The following CELF2 variants were observed in gnomAD, a reference collection of about 807,000 sequenced individuals.
CELF2 encodes CUGBP Elav-like family member 2.
In CELF2, 8 loss-of-function variants were observed where a neutral mutation model predicts 62.6. The ratio of observed to expected loss-of-function variants is 0.13; its 90% CI spans 0.07 to 0.23. The LOEUF is 0.23. Among genes scored for constraint, CELF2 ranks in the 10% least tolerant of loss-of-function variants. The pLI is 1.00. For missense variants in CELF2, 333 were observed against 671.0 expected, an observed-to-expected ratio of 0.50 and a Z score of 5.56; for synonymous variants, 258 against 250.0, an observed-to-expected ratio of 1.03 and a Z score of -0.30.
chr10:10,997,970 T>C lies in CELF2; in HGVS notation c.89+77971T>C, dbSNP rs1471722471. Among the ~76,000 whole-genome samples the C allele has an allele frequency of 6.6e-6, 1 of 152,172 alleles. No homozygotes were observed. The highest frequency in any genetic ancestry group is 6.5e-5 in the Admixed American group (1 of 15,276). On this transcript the variant is annotated intron_variant, in intron 2 of 13. Transcript: ENST00000636488. The surrounding 1 kb of genome is among the most constrained non-coding windows in gnomAD (Gnocchi z 5.3). ...TAATTGAATCATGGAGGCTGGATTT[T>C]CTCATGCAGTTCTTGTGATAGTAAG...
chr10:10,479,049 C>T, the CELF2 span, among the ~76,000 whole-genome samples: 10 of 152,218 alleles, frequency 6.6e-5, no homozygotes, highest in East Asian at 1.9e-4. Flanking sequence ...GATTTTTTTA[C>T]GTTGCTTCCT....
the CELF2 span, among the ~76,000 whole-genome samples, chr10:10,618,494 A>G: frequency 2.0e-5 from 3 of 152,114 alleles, no homozygotes; most frequent in Non-Finnish European, 2.9e-5. Flanking sequence ...GGCCAACTCC[A>G]GCCCATATAA....
At chr10:10,890,841 C>A (rs934005488) in intron 1 of CELF2, among the ~76,000 whole-genome samples, 1 of 152,142 alleles carries the variant, frequency 6.6e-6, no homozygotes, top group African/African-American at 2.4e-5. Context: ...ATGGTAAAAC[C>A]CCTTTTCTAC....
chr10:10,760,472 G>A, the CELF2 span, among the ~76,000 whole-genome samples: 3 of 152,156 alleles, frequency 2.0e-5, no homozygotes, highest in East Asian at 5.8e-4. Context: ...ATTATTATTC[G>A]TGTATTTCCT....
intron 1 of CELF2, among the ~76,000 whole-genome samples, chr10:10,882,647 G>A (rs145334449): frequency 4.1e-4 from 63 of 152,256 alleles, no homozygotes; most frequent in African/African-American, 1.4e-3. Context: ...CCTCTCTAGC[G>A]TGTTAAGAGA....
chr10:11,055,183 T>A (rs1463282476), intron 1 of CELF2, among the ~76,000 whole-genome samples: 1 of 152,270 alleles, frequency 6.6e-6, no homozygotes, highest in Non-Finnish European at 1.5e-5. Flanking sequence ...GGGACAGATA[T>A]TAACTGATAC....
At chr10:11,204,073 G>A (rs924709838) in intron 2 of CELF2, among the ~76,000 whole-genome samples, 15 of 152,176 alleles carry the variant, frequency 9.9e-5, no homozygotes, top group Non-Finnish European at 1.6e-4. Flanking sequence ...CAGAATCATC[G>A]TTAACATTAT....
At chr10:10,738,837 G>C in the CELF2 span, among the ~76,000 whole-genome samples, 1 of 152,000 alleles carries the variant, frequency 6.6e-6, no homozygotes, top group African/African-American at 2.4e-5. Context: ...AAGAACATTC[G>C]GTAAAAACTA....
At chr10:11,202,931 CTCTCTCTCTCTCTCTCTCTCTGTGTGTG>C (rs1565272413) in intron 2 of CELF2, among the ~76,000 whole-genome samples, 2 of 91,642 alleles carry the variant, frequency 2.2e-5, no homozygotes, top group African/African-American at 8.9e-5. Context: ...CTCTCTCTCT[CTCTCTCTCTCTCTCTCTCTCTGTGTGTG>C]TGTGTGTGTG....
intron 1 of CELF2, among the ~76,000 whole-genome samples, chr10:11,070,757 C>T (rs2069681347): frequency 6.6e-6 from 1 of 152,118 alleles, no homozygotes; most frequent in South Asian, 2.1e-4. Context: ...AAACATGATA[C>T]TGTGTGAAGG....
At chr10:10,904,622 G>A (rs146869702) in intron 1 of CELF2, among the ~76,000 whole-genome samples, 1 of 152,122 alleles carries the variant, frequency 6.6e-6, no homozygotes, top group African/African-American at 2.4e-5. Context: ...ACATAGCCAT[G>A]GCCTTATTCC....
In CELF2 at chr10:11,214,130, A is replaced by T. The variant is rs951841556; in HGVS notation, c.272-3295A>T. Among the ~76,000 whole-genome samples, 1 of 152,098 alleles carries T rather than the reference A, an allele frequency of 6.6e-6. No homozygotes were observed. Among genetic ancestry groups the T allele is most frequent in the African/African-American group, 2.4e-5 (1 of 41,408 alleles). On this transcript the variant is annotated intron_variant, in intron 2 of 12. Coordinates refer to ENST00000633077, the MANE Select transcript of CELF2 (RefSeq NM_001326342.2). This position sits in a 1 kb window ranked among gnomAD's most constrained non-coding sequence, Gnocchi z 4.2. ...GGGACCCCTATCTCTACAAAAATGTAAAAAGTAGTCAGGCATGGTAGCACA... is the reference window on the plus strand; with the variant it reads ...GGGACCCCTATCTCTACAAAAATGTTAAAAGTAGTCAGGCATGGTAGCACA...
At chr10:11,104,979 GGTCCACT>G (rs1275132821) in intron 1 of CELF2, among the ~76,000 whole-genome samples, 9 of 152,160 alleles carry the variant, frequency 5.9e-5, no homozygotes, top group Non-Finnish European at 1.0e-4. Flanking sequence ...CTCTGAAGCT[GGTCCACT>G]GTCACAGAAT....
chr10:10,581,830 A>G, the CELF2 span, among the ~76,000 whole-genome samples: 1 of 152,086 alleles, frequency 6.6e-6, no homozygotes, highest in Non-Finnish European at 1.5e-5. Flanking sequence ...GTGTTTGAGA[A>G]CAGCCTGGCC....
At chr10:10,777,129 T>G in the CELF2 span, among the ~76,000 whole-genome samples, 1 of 152,224 alleles carries the variant, frequency 6.6e-6, no homozygotes, top group Non-Finnish European at 1.5e-5. Flanking sequence ...CTCAGCATTG[T>G]GCTCTTGGCA....
At chr10:10,533,658 G>A in the CELF2 span, among the ~76,000 whole-genome samples, 3 of 152,214 alleles carry the variant, frequency 2.0e-5, no homozygotes, top group Non-Finnish European at 2.9e-5. Context: ...CTTTGACAGA[G>A]AAGGAATCCT....
upstream of CELF2, among the ~76,000 whole-genome samples, chr10:11,014,073 G>T (rs1221938241): frequency 1.3e-5 from 2 of 152,228 alleles, no homozygotes; most frequent in African/African-American, 4.8e-5. Flanking sequence ...GCTCCAAATG[G>T]CTGTGAGCAC....
At chr10:10,595,568 C>T in the CELF2 span, among the ~76,000 whole-genome samples, 2 of 152,124 alleles carry the variant, frequency 1.3e-5, no homozygotes, top group Non-Finnish European at 2.9e-5. Context: ...TGTGCCATGT[C>T]GGTTTACTAC....
chr10:10,732,406 C>G, the CELF2 span, among the ~76,000 whole-genome samples: 2 of 152,124 alleles, frequency 1.3e-5, no homozygotes, highest in African/African-American at 4.8e-5. Context: ...AAAGGGAATT[C>G]CCCTTAAAGC....
Sources: gnomAD v4.1 joint callset for allele counts (sites outside exome capture counted in the v4.1 genomes callset) on GRCh38, gnomAD v4.1.1 for gene constraint, Gnocchi (gnomAD v3.1) non-coding constraint, MANE v1.5 for transcripts, NCBI Gene and HGNC (gene_info 2026-07-23, HGNC 2026-07-21) for gene names.